The following CRIM1 variants were observed in gnomAD, a reference collection of about 807,000 sequenced individuals.
CRIM1 encodes the protein cysteine rich transmembrane BMP regulator 1.
CRIM1 carries 32 observed loss-of-function variants against 116.4 expected under a neutral mutation model. That is an observed-to-expected ratio of 0.27 (90% CI 0.21 to 0.37). The LOEUF is 0.37. Ranked by LOEUF, CRIM1 falls within the 10% of genes least tolerant of loss-of-function variation. The pLI, the probability that CRIM1 is intolerant of heterozygous loss-of-function variation, is 1.00. For synonymous variants in CRIM1, 590 were observed against 509.2 expected (o/e 1.16, Z -2.13); for missense variants, 1,331 against 1,354.8 (o/e 0.98, Z 0.28).
intron 7 of CRIM1, among the ~76,000 whole-genome samples, chr2:36,480,573 G>C (rs1298856582): frequency 6.6e-6 from 1 of 152,134 alleles, no homozygotes; most frequent in East Asian, 1.9e-4. Context: ...AGTCAGTTAA[G>C]TAGACTAAGT....
At chr2:36,432,672 G>T (rs142284502) in intron 2 of CRIM1, among the ~76,000 whole-genome samples, 1 of 151,992 alleles carries the variant, frequency 6.6e-6, no homozygotes, top group African/African-American at 2.4e-5. Flanking sequence ...AGTTGGATCC[G>T]ATTTCCTAAG....
chr2:36,469,373 C>G (rs909607694), intron 5 of CRIM1, among the ~76,000 whole-genome samples: 1 of 152,198 alleles, frequency 6.6e-6, no homozygotes, highest in African/African-American at 2.4e-5. Flanking sequence ...CCCTGTAGCA[C>G]TCTGCTTCTC....
At chr2:36,390,138 T>G (rs895945860) in intron 1 of CRIM1, among the ~76,000 whole-genome samples, 1 of 151,896 alleles carries the variant, frequency 6.6e-6, no homozygotes, top group Admixed American at 6.6e-5. Context: ...AAAGACTAAG[T>G]CCAGGACAAG....
At chr2:36,484,939 T>C (rs1438967523) in intron 7 of CRIM1, among the ~76,000 whole-genome samples, 1 of 152,258 alleles carries the variant, frequency 6.6e-6, no homozygotes, top group Non-Finnish European at 1.5e-5. Context: ...ATCCATGTTC[T>C]ATCTCTAACA....
chr2:36,495,290 T>G (rs950108877), intron 7 of CRIM1, among the ~76,000 whole-genome samples: 5 of 152,138 alleles, frequency 3.3e-5, no homozygotes, highest in African/African-American at 1.2e-4. Context: ...AATCTTCTGG[T>G]CTTCAGACCA....
intron 12 of CRIM1, among the ~76,000 whole-genome samples, chr2:36,520,600 C>G (rs1488651851): frequency 6.6e-6 from 1 of 152,192 alleles, no homozygotes; most frequent in Non-Finnish European, 1.5e-5. Context: ...AATGGCTGTT[C>G]TTCAACTTAT....
At chr2:36,375,978 C>T (rs1427595457) in intron 1 of CRIM1, among the ~76,000 whole-genome samples, 1 of 152,272 alleles carries the variant, frequency 6.6e-6, no homozygotes, top group Admixed American at 6.5e-5. Flanking sequence ...CCCACCATAA[C>T]CACCACTACC....
intron 2 of CRIM1, among the ~76,000 whole-genome samples, chr2:36,431,596 T>G (rs1193094532): frequency 2.0e-5 from 3 of 152,212 alleles, no homozygotes; most frequent in African/African-American, 7.2e-5. Flanking sequence ...AGATCACACT[T>G]TCTACTACAC....
chr2:36,356,547 C>A lies in CRIM1; in HGVS notation c.255C>A (p.Asp85Glu). 6.2e-7 allele frequency: 1 copy of A among 1,612,760 alleles called. No homozygotes were observed. The highest frequency in any genetic ancestry group is 8.5e-7 in the Non-Finnish European group (1 of 1,179,874). Residue 85 changes from aspartate to glutamate, a missense_variant, in exon 1 of 17, where the codon GAC (aspartate) becomes GAA (glutamate). Asp to Glu is a conservative substitution (Grantham distance 45). Around this residue, in one of 3 missense-constraint regions of CRIM1, gnomAD observed 690 missense variants for 676.0 expected, o/e 1.02. Transcript: ENST00000280527. The surrounding 1 kb of genome is among the most constrained non-coding windows in gnomAD (Gnocchi z 4.3). ...CCTTCGGGATTTACGGAACCTGCGA[C>A]CGGGGGCTGCGTTGTGTCATCCGCC... ...GGTFGIYGTC[D>E]RGLRCVIRPP...
At chr2:36,430,909 G>A (rs1357016693) in intron 2 of CRIM1, among the ~76,000 whole-genome samples, 1 of 152,216 alleles carries the variant, frequency 6.6e-6, no homozygotes, top group East Asian at 1.9e-4. Flanking sequence ...CATCTTGAAT[G>A]TAGAAATAGC....
intron 7 of CRIM1, among the ~76,000 whole-genome samples, chr2:36,482,417 C>G (rs998233149): frequency 2.0e-5 from 3 of 152,074 alleles, no homozygotes; most frequent in Non-Finnish European, 4.4e-5. Flanking sequence ...TAATAATAAA[C>G]TTACAAAATA....
At position 36,512,410 on chromosome 2, in the gene CRIM1, T is replaced by C. The variant is rs848526; in HGVS notation, c.1780+16T>C. On this transcript the variant is annotated intron_variant, in intron 10 of 16. Transcript: ENST00000280527. The stretch of plus-strand genomic sequence containing the variant: ...AAGTGCAGAGGTAAGTGTGTACACA[T>C]GGCCCTTCCCCCTCAAAGCAGCCAG... The C allele has an allele frequency of 0.78, 1,238,383 of 1,595,946 alleles. 482,269 individuals are homozygous for C. The highest frequency in any genetic ancestry group is 0.98 in the East Asian group (43,321 of 44,420).
At chr2:36,485,096 C>T (rs1679717134) in intron 7 of CRIM1, among the ~76,000 whole-genome samples, 1 of 152,216 alleles carries the variant, frequency 6.6e-6, no homozygotes, top group Non-Finnish European at 1.5e-5. Flanking sequence ...AGCTGAGTTT[C>T]AGGCCTAATA....
intron 15 of CRIM1, among the ~76,000 whole-genome samples, chr2:36,544,962 T>A (rs1380270025): frequency 6.6e-6 from 1 of 152,326 alleles, no homozygotes; most frequent in East Asian, 1.9e-4. Flanking sequence ...TCACCTATGT[T>A]GATTTTTCTA....
At chr2:36,470,998 G>C (rs539931820) in intron 5 of CRIM1, among the ~76,000 whole-genome samples, 18 of 152,312 alleles carry the variant, frequency 1.2e-4, no homozygotes, top group African/African-American at 3.8e-4. Context: ...AGGAGCTGAA[G>C]ACCTCAGTGG....
intron 13 of CRIM1, among the ~76,000 whole-genome samples, chr2:36,525,073 A>G (rs529015572): frequency 4.6e-5 from 7 of 152,146 alleles, no homozygotes; most frequent in Non-Finnish European, 8.8e-5. Context: ...ATATAAACCC[A>G]TGACTTAGCT....
chr2:36,414,588 G>A (rs1268883872), intron 2 of CRIM1, among the ~76,000 whole-genome samples: 1 of 152,230 alleles, frequency 6.6e-6, no homozygotes, highest in African/African-American at 2.4e-5. Context: ...AGATAGGATA[G>A]CTTGAGAAAG....
intron 9 of CRIM1, among the ~76,000 whole-genome samples, chr2:36,510,923 C>CTTTTTT (rs1013951561): frequency 2.6e-3 from 285 of 108,720 alleles, no homozygotes; most frequent in Middle Eastern, 5.5e-3. Flanking sequence ...GATTCCTTTT[C>CTTTTTT]TTTTTTTTTT....
chr2:36,549,848 T>TAC lies in CRIM1; in HGVS notation c.*1148_*1149insCA, dbSNP rs998222360. ...TGTGCATGTGTATATAATATATATA[T>TAC]ATACATATATATTTATACACATACA... On this transcript the variant is annotated 3_prime_UTR_variant, in exon 17 of 17. Transcript: ENST00000280527. 5.9e-5 allele frequency: 9 copies of TAC among 151,684 alleles called. No homozygotes were observed. Among genetic ancestry groups the TAC allele is most frequent in the Non-Finnish European group, 1.0e-4 (7 of 67,834 alleles). 9.4% of individuals were successfully genotyped at this position (151,684 alleles called of 1,614,324 possible). A position where few individuals can be genotyped will look rare whatever the true frequency, so the allele number is the denominator to read the frequency against.
Sources: allele counts gnomAD v4.1 joint callset (sites outside exome capture counted in the v4.1 genomes callset), GRCh38; gene constraint gnomAD v4.1.1; regional missense constraint gnomAD v4.1.1; non-coding constraint Gnocchi (gnomAD v3.1); transcripts MANE v1.5; gene names NCBI Gene and HGNC (gene_info 2026-07-23, HGNC 2026-07-21).